Variants in PDSS2 observed in about 807,000 individuals in gnomAD.
PDSS2 encodes decaprenyl diphosphate synthase subunit 2, also known as all trans-polyprenyl-diphosphate synthase PDSS2.
A neutral mutation model predicts 44.5 loss-of-function variants in PDSS2; 31 were observed. The ratio of observed to expected loss-of-function variants is 0.70; its 90% confidence interval spans 0.52 to 0.94. PDSS2 has a LOEUF of 0.94. Ranked by LOEUF, PDSS2 falls within the 40% of genes least tolerant of loss-of-function variation. PDSS2 has a pLI of 0.00. For synonymous variants in PDSS2, 157 were observed against 180.3 expected (o/e 0.87, Z 1.03); for missense variants, 452 against 482.2 (o/e 0.94, Z 0.59).
At chr6:107,243,811 T>C (rs2114796984) in intron 4 of PDSS2, among the ~76,000 whole-genome samples, 1 of 152,294 alleles carries the variant, frequency 6.6e-6, no homozygotes, top group East Asian at 1.9e-4. Context: ...TGTTGCATTT[T>C]CCAAGACCAC....
rs143194533 is a variant in PDSS2, at chr6:107,426,415, G to A, written c.296+32575C>T. Reference sequence around the variant, plus strand: ...CTAGGCAGAAGTTTGCTGCAGGGGCGGAGCCCTCATGGAGAACCTCTGGTA... The same window carrying A: ...CTAGGCAGAAGTTTGCTGCAGGGGCAGAGCCCTCATGGAGAACCTCTGGTA... On this transcript the variant is annotated intron_variant, in intron 1 of 7. Coordinates refer to ENST00000369037, the MANE Select transcript of PDSS2 (RefSeq NM_020381.4). 4.2e-3 allele frequency among the ~76,000 whole-genome samples: 642 copies of A among 152,352 alleles called. 4 individuals carry two copies. Among genetic ancestry groups the A allele is most frequent in the African/African-American group, 0.014 (592 of 41,588 alleles).
At chr6:107,306,270 G>A (rs1776856324) in intron 2 of PDSS2, among the ~76,000 whole-genome samples, 1 of 152,134 alleles carries the variant, frequency 6.6e-6, no homozygotes, top group African/African-American at 2.4e-5. Flanking sequence ...ACTGAATCAT[G>A]GGGGCAGGTC....
At chr6:107,438,606 C>T (rs1466270938) in intron 1 of PDSS2, among the ~76,000 whole-genome samples, 1 of 152,112 alleles carries the variant, frequency 6.6e-6, no homozygotes, top group Non-Finnish European at 1.5e-5. Flanking sequence ...GAACTCTCAC[C>T]CAAATTCGAG....
intron 1 of PDSS2, among the ~76,000 whole-genome samples, chr6:107,417,659 T>C (rs1303510774): frequency 1.3e-5 from 2 of 152,042 alleles, no homozygotes; most frequent in African/African-American, 4.8e-5. Flanking sequence ...CTCAGGAGGC[T>C]GAAGCAGGAG....
intron 5 of PDSS2, among the ~76,000 whole-genome samples, chr6:107,211,672 T>C (rs988666160): frequency 2.6e-5 from 4 of 150,992 alleles, no homozygotes; most frequent in African/African-American, 7.3e-5. Context: ...AGAGGTTGCG[T>C]TGCAGTGAGC....
chr6:107,322,880 A>C (rs773497013), intron 2 of PDSS2, among the ~76,000 whole-genome samples: 1 of 152,184 alleles, frequency 6.6e-6, no homozygotes, highest in Non-Finnish European at 1.5e-5. Context: ...TCTTAACAAC[A>C]GAAAAGGGAG....
chr6:107,440,405 T>C (rs1781479936), intron 1 of PDSS2, among the ~76,000 whole-genome samples: 1 of 152,192 alleles, frequency 6.6e-6, no homozygotes, highest in South Asian at 2.1e-4. Flanking sequence ...CTTTGCATCT[T>C]TCAGAAGCAG....
chr6:107,269,340 C>CTCTGTG (rs1204366378), intron 3 of PDSS2, among the ~76,000 whole-genome samples: 2 of 143,200 alleles, frequency 1.4e-5, no homozygotes, highest in Non-Finnish European at 3.0e-5. Context: ...TTTCGTGTGT[C>CTCTGTG]TGTGTGTGTG....
chr6:107,291,152 A>G (rs1776332807), intron 2 of PDSS2, among the ~76,000 whole-genome samples: 1 of 152,206 alleles, frequency 6.6e-6, no homozygotes, highest in Admixed American at 6.5e-5. Flanking sequence ...AAGTAGACTT[A>G]AAGTCCTAAG....
chr6:107,349,971 C>A (rs1272350874), intron 1 of PDSS2, among the ~76,000 whole-genome samples: 5 of 152,180 alleles, frequency 3.3e-5, no homozygotes, highest in Non-Finnish European at 7.3e-5. Context: ...TAATCTGGAA[C>A]CGTTTCTTAA....
chr6:107,331,504 C>A (rs1221034096), intron 2 of PDSS2, among the ~76,000 whole-genome samples: 1 of 152,148 alleles, frequency 6.6e-6, no homozygotes, highest in Non-Finnish European at 1.5e-5. Context: ...ATTATAATGA[C>A]CATCTGCCAA....
At chr6:107,265,679 C>T (rs1372783010) in intron 3 of PDSS2, among the ~76,000 whole-genome samples, 7 of 152,142 alleles carry the variant, frequency 4.6e-5, no homozygotes, top group African/African-American at 1.4e-4. Flanking sequence ...CGGTGGCTCA[C>T]GCCTGTAATC....
chr6:107,353,421 T>A (rs1015484511), intron 1 of PDSS2, among the ~76,000 whole-genome samples: 2 of 152,212 alleles, frequency 1.3e-5, no homozygotes, highest in East Asian at 3.8e-4. Flanking sequence ...CTTTAAAAAG[T>A]CATAACCATT....
At chr6:107,276,257 A>G (rs1482725511) in intron 2 of PDSS2, among the ~76,000 whole-genome samples, 1 of 150,860 alleles carries the variant, frequency 6.6e-6, no homozygotes, top group Non-Finnish European at 1.5e-5. Flanking sequence ...TCCAAGATAC[A>G]GTAGGTGGCC....
At chr6:107,275,318 A>C (rs1294565066) in intron 2 of PDSS2, among the ~76,000 whole-genome samples, 1 of 152,198 alleles carries the variant, frequency 6.6e-6, no homozygotes, top group African/African-American at 2.4e-5. Context: ...ACGTCTTTTA[A>C]TAGGTGAAAA....
intron 1 of PDSS2, among the ~76,000 whole-genome samples, chr6:107,440,697 T>C (rs551528878): frequency 2.0e-5 from 3 of 152,320 alleles, no homozygotes; most frequent in Admixed American, 1.3e-4. Context: ...TGGCTCATCA[T>C]GCCAGAAAAA....
chr6:107,430,533 G>T (rs567839815), intron 1 of PDSS2, among the ~76,000 whole-genome samples: 36 of 151,666 alleles, frequency 2.4e-4, no homozygotes, highest in African/African-American at 8.7e-4. Context: ...AAAAGGACCG[G>T]GCATGGTGGC....
At position 107,225,161 on chromosome 6, in the gene PDSS2, ATTTTTTTTTTTTT is replaced by A. The variant is rs71012786; in HGVS notation, c.703-12892_703-12880del. 5.6e-4 allele frequency among the ~76,000 whole-genome samples: 28 copies of A among 50,384 alleles called. 1 individual carries two copies. The highest frequency in any genetic ancestry group is 2.5e-3 in the African/African-American group (23 of 9,174). 33.1% of individuals were successfully genotyped at this position (50,384 alleles called of 152,430 possible). A position where few individuals can be genotyped will look rare whatever the true frequency, so the allele number is the denominator to read the frequency against. On this transcript the variant is annotated intron_variant, in intron 4 of 7. Coordinates refer to ENST00000369037, the MANE Select transcript of PDSS2 (RefSeq NM_020381.4). ...TTTATATATATATATATATATATATATTTTTTTTTTTTTTTTTTTTTTTTTTTTGAGACAGAGT... is the reference window on the plus strand; with the variant it reads ...TTTATATATATATATATATATATATATTTTTTTTTTTTTTTGAGACAGAGT...
intron 4 of PDSS2, among the ~76,000 whole-genome samples, chr6:107,235,947 G>C (rs1774209413): frequency 1.3e-5 from 2 of 151,922 alleles, no homozygotes; most frequent in Admixed American, 1.3e-4. Context: ...AGTGACTCTG[G>C]GACAAGTTAA....
Sources: allele counts gnomAD v4.1 joint callset (sites outside exome capture counted in the v4.1 genomes callset), GRCh38; gene constraint gnomAD v4.1.1; transcripts MANE v1.5; gene names NCBI Gene and HGNC (gene_info 2026-07-23, HGNC 2026-07-21).